TBC1D5: variants seen among roughly 807,000 people sequenced by gnomAD.
The protein encoded by TBC1D5 is TBC1 domain family, member 5.
Under a neutral mutation model 100.3 loss-of-function variants are expected in TBC1D5, and 75 were observed. The ratio of observed to expected loss-of-function variants is 0.75; its 90% CI spans 0.62 to 0.91. The LOEUF is 0.91. Ranked by LOEUF, TBC1D5 falls within the 40% of genes least tolerant of loss-of-function variation. The pLI, the probability that TBC1D5 is intolerant of heterozygous loss-of-function variation, is 0.00. For missense variants in TBC1D5, 910 were observed against 942.4 expected (o/e 0.97, Z 0.45); for synonymous variants, 323 against 325.6 (o/e 0.99, Z 0.09).
At chr3:17,700,189 T>A (rs1022650526) in intron 1 of TBC1D5, among the ~76,000 whole-genome samples, 1 of 151,154 alleles carries the variant, frequency 6.6e-6, no homozygotes, top group Non-Finnish European at 1.5e-5. Context: ...ACTACAACCA[T>A]CTGATCTTTG....
intron 15 of TBC1D5, among the ~76,000 whole-genome samples, 190 bp from the exon 16 acceptor site, chr3:17,258,781 A>ATTTTTTCC (rs2077994629): frequency 1.3e-5 from 2 of 152,190 alleles, no homozygotes; most frequent in South Asian, 2.1e-4. Flanking sequence ...AAAATTATTT[A>ATTTTTTCC]TTTTTTCCTC....
At chr3:17,566,397 T>C (rs2096593943) in intron 2 of TBC1D5, among the ~76,000 whole-genome samples, 1 of 151,896 alleles carries the variant, frequency 6.6e-6, no homozygotes, top group African/African-American at 2.4e-5. Context: ...CAAAGCTGCT[T>C]ACTGAAGGTA....
At chr3:17,524,432 A>G (rs943869049) in intron 2 of TBC1D5, among the ~76,000 whole-genome samples, 8 of 152,242 alleles carry the variant, frequency 5.3e-5, no homozygotes, top group Non-Finnish European at 1.0e-4. Context: ...CTACTTATAT[A>G]TCCTCTAGCC....
At chr3:17,683,129 T>C (rs1193132790) in intron 1 of TBC1D5, among the ~76,000 whole-genome samples, 1 of 151,660 alleles carries the variant, frequency 6.6e-6, no homozygotes, top group Non-Finnish European at 1.5e-5. Context: ...GATTGCTTTC[T>C]TGTCCTTTTT....
intron 3 of TBC1D5, among the ~76,000 whole-genome samples, chr3:17,453,209 A>C (rs2094970553): frequency 6.6e-6 from 1 of 152,032 alleles, no homozygotes; most frequent in Non-Finnish European, 1.5e-5. Flanking sequence ...TACATCAAAA[A>C]AGAAGAAAAA....
intron 8 of TBC1D5, among the ~76,000 whole-genome samples, chr3:17,398,439 T>G (rs942428602): frequency 1.3e-5 from 2 of 152,138 alleles, no homozygotes; most frequent in South Asian, 4.1e-4. Context: ...GAAATCAAAT[T>G]ATCTTGTTTA....
intron 18 of TBC1D5, among the ~76,000 whole-genome samples, chr3:17,205,682 G>A (rs978565218): frequency 6.6e-6 from 1 of 152,164 alleles, no homozygotes; most frequent in Non-Finnish European, 1.5e-5. Flanking sequence ...GATTGGTAAG[G>A]AGTGGGCATG....
chr3:17,644,864 A>C, intron 1 of TBC1D5, among the ~76,000 whole-genome samples: 1 of 152,110 alleles, frequency 6.6e-6, no homozygotes, highest in Admixed American at 6.6e-5. Flanking sequence ...CCTGGAAACT[A>C]GTGCAAGATT....
intron 1 of TBC1D5, among the ~76,000 whole-genome samples, chr3:17,685,457 A>T (rs1211466440): frequency 2.0e-5 from 3 of 152,058 alleles, no homozygotes; most frequent in African/African-American, 4.8e-5. Context: ...CAAATAAATA[A>T]TTCTGCAAAA....
chr3:17,349,525 T>C (rs1164562454), intron 13 of TBC1D5, among the ~76,000 whole-genome samples: 1 of 152,228 alleles, frequency 6.6e-6, no homozygotes, highest in Non-Finnish European at 1.5e-5. Flanking sequence ...ATGGTGATTG[T>C]AACTTTCTAC....
At chr3:17,292,125 A>G in intron 14 of TBC1D5, 124 bp from the exon 15 acceptor site, 1 of 790,276 alleles carries the variant, frequency 1.3e-6, no homozygotes, top group Non-Finnish European at 2.0e-6. Flanking sequence ...TGATTTGATA[A>G]AAGGGAGTAG....
chr3:17,472,899 C>T (rs2095395308), intron 3 of TBC1D5, among the ~76,000 whole-genome samples: 2 of 152,160 alleles, frequency 1.3e-5, no homozygotes, highest in Non-Finnish European at 1.5e-5. Flanking sequence ...AACATTAATG[C>T]CATCAGAATA....
At chr3:17,578,088 C>T (rs1488847788) in intron 2 of TBC1D5, among the ~76,000 whole-genome samples, 1 of 151,986 alleles carries the variant, frequency 6.6e-6, no homozygotes, top group Non-Finnish European at 1.5e-5. Context: ...AGGAAACACT[C>T]TTGGATATGG....
intron 2 of TBC1D5, among the ~76,000 whole-genome samples, chr3:17,592,023 T>C (rs1181976034): frequency 1.3e-5 from 2 of 152,196 alleles, no homozygotes; most frequent in East Asian, 3.8e-4. Flanking sequence ...GTACCAGATG[T>C]GGTTTCATTG....
chr3:17,411,635 T>C (rs1455272213), intron 4 of TBC1D5, among the ~76,000 whole-genome samples: 1 of 152,118 alleles, frequency 6.6e-6, no homozygotes, highest in Non-Finnish European at 1.5e-5. Flanking sequence ...TCACAAGTAC[T>C]AAGAAATTGT....
At chr3:17,163,034 A>G (rs766318053) in intron 21 of TBC1D5, among the ~76,000 whole-genome samples, 1 of 152,204 alleles carries the variant, frequency 6.6e-6, no homozygotes, top group Non-Finnish European at 1.5e-5. Context: ...TCTACTTCAG[A>G]GATACTGAGA....
chr3:17,516,515 C>T (rs1285608823), intron 2 of TBC1D5, among the ~76,000 whole-genome samples: 1 of 152,126 alleles, frequency 6.6e-6, no homozygotes, highest in Non-Finnish European at 1.5e-5. Context: ...CAGAAATTGT[C>T]ATTCACCAAC....
chr3:17,671,808 T>A (rs1190029328), intron 1 of TBC1D5, among the ~76,000 whole-genome samples: 5 of 152,224 alleles, frequency 3.3e-5, no homozygotes, highest in African/African-American at 1.2e-4. Flanking sequence ...TCTCATTAAA[T>A]CAGCATCTAT....
intron 3 of TBC1D5, among the ~76,000 whole-genome samples, chr3:17,451,182 A>G (rs917817654): frequency 1.3e-5 from 2 of 152,234 alleles, no homozygotes; most frequent in African/African-American, 4.8e-5. Flanking sequence ...GCAAATGCTG[A>G]GAGATTTTGT....
Sources: gnomAD v4.1 joint callset for allele counts (sites outside exome capture counted in the v4.1 genomes callset) on GRCh38, gnomAD v4.1.1 for gene constraint, MANE v1.5 for transcripts, NCBI Gene and HGNC (gene_info 2026-07-23, HGNC 2026-07-21) for gene names.